SRMS: variants seen among roughly 807,000 people sequenced by gnomAD.
SRMS encodes the protein src-related kinase lacking C-terminal regulatory tyrosine and N-terminal myristylation sites.
SRMS carries 42 observed loss-of-function variants against 43.5 expected under a neutral mutation model. That is an observed-to-expected ratio of 0.97 (90% CI 0.75 to 1.25). The LOEUF (loss-of-function observed/expected upper bound fraction) is 1.25. Among genes scored for constraint, SRMS ranks in the 50% most tolerant of loss-of-function variants. SRMS has a pLI of 0.00. For synonymous variants in SRMS, 316 were observed against 308.2 expected, an observed-to-expected ratio of 1.03 and a Z score of -0.27; for missense variants, 703 against 681.0, an observed-to-expected ratio of 1.03 and a Z score of -0.36.
chr20:63,540,271 C>A lies in SRMS; in HGVS notation c.*547G>T, dbSNP rs117711618. Reference sequence around the variant, plus strand: ...TACCACACATCCAGTGGGGTCAACACCACGGTCTGCCTGGGAGTCAGCACT... The same window carrying A: ...TACCACACATCCAGTGGGGTCAACAACACGGTCTGCCTGGGAGTCAGCACT... On this transcript the variant is annotated 3_prime_UTR_variant, in exon 8 of 8. Coordinates refer to ENST00000217188, the MANE Select transcript of SRMS (RefSeq NM_080823.4). Among the ~76,000 whole-genome samples the A allele has an allele frequency of 0.011, 1,657 of 152,348 alleles. 10 individuals carry two copies. Among genetic ancestry groups the A allele is most frequent in the Non-Finnish European group, 0.017 (1,160 of 68,030 alleles).
chr20:63,546,550 T>C (rs1196445164), intron 1 of SRMS, among the ~76,000 whole-genome samples: 15 of 138,244 alleles, frequency 1.1e-4, no homozygotes, highest in African/African-American at 3.9e-4. Context: ...CTCACCTGCC[T>C]TCACCCAGAG....
rs754392446 is a variant in SRMS at position 63,540,819 on chromosome 20, CAG to C, written c.1464_1465del (p.Ter489SerfsTer60). The C allele has an allele frequency of 2.9e-5, 46 of 1,598,070 alleles. No homozygotes were observed. Among genetic ancestry groups the C allele is most frequent in the South Asian group, 1.2e-4 (11 of 90,688 alleles). ...CAGAGCGTTGGGTCACGTGAGGACT[CAG>C]GGGTGGCATCTGTGGATGGCGTGCA... On this transcript the variant is annotated frameshift_variant and stop_lost, in exon 8 of 8. Coordinates refer to ENST00000217188, the MANE Select transcript of SRMS (RefSeq NM_080823.4). LOFTEE classifies it high-confidence loss of function.
intron 1 of SRMS, 122 bp downstream of exon 1, chr20:63,546,986 G>T (rs2082735303): frequency 2.1e-6 from 2 of 942,646 alleles, no homozygotes; most frequent in Non-Finnish European, 3.1e-6. Context: ...TGAATGCGTG[G>T]ATGAACGAAT....
At position 63,544,210 on chromosome 20, in the gene SRMS, G is replaced by T; in HGVS notation, c.478+17C>A. 1 of 1,435,020 alleles carries T rather than the reference G, an allele frequency of 7.0e-7. No homozygotes were observed. 88.9% of individuals were successfully genotyped at this position (1,435,020 alleles called of 1,614,324 possible). On this transcript the variant is annotated intron_variant, in intron 2 of 7. Transcript: ENST00000217188. Reference sequence around the variant, plus strand: ...GACCTGGTGGGGGACAGAGGCAGGAGGGGCCGCCCCAGGTACCTGACAGTG... The same window carrying T: ...GACCTGGTGGGGGACAGAGGCAGGATGGGCCGCCCCAGGTACCTGACAGTG...
In SRMS at chr20:63,543,712, G is replaced by C. The variant is rs539338363; in HGVS notation, c.479-232C>G. The C allele has an allele frequency of 2.6e-4, 140 of 534,222 alleles. 1 individual carries two copies. The highest frequency in any genetic ancestry group is 2.3e-3 in the African/African-American group (121 of 52,864). 33.1% of individuals were successfully genotyped at this position (534,222 alleles called of 1,614,324 possible). A position where few individuals can be genotyped will look rare whatever the true frequency, so the allele number is the denominator to read the frequency against. ...TCTGCTGACGGTGTGCACAGAGTAGGCACTTAATAAATACTTGTAGAATGA... is the reference window on the plus strand; with the variant it reads ...TCTGCTGACGGTGTGCACAGAGTAGCCACTTAATAAATACTTGTAGAATGA... On this transcript the variant is annotated intron_variant, in intron 2 of 7. Transcript: ENST00000217188.
rs754727824 is a variant in SRMS, at chr20:63,538,978, C to A, written c.*1840G>T. 6.6e-6 allele frequency among the ~76,000 whole-genome samples: 1 copy of A among 152,154 alleles called. No homozygotes were observed. Among genetic ancestry groups the A allele is most frequent in the South Asian group, 2.1e-4 (1 of 4,828 alleles). ...TAGGAGGGCACAGGTGCCACAGACA[C>A]ACCTGGTCCCCTTAATCCCAGTGGC... On this transcript the variant is annotated 3_prime_UTR_variant, in exon 8 of 8. Coordinates refer to ENST00000217188, the MANE Select transcript of SRMS (RefSeq NM_080823.4).
chr20:63,544,458 G>A, intron 1 of SRMS, 110 bp from the exon 2 acceptor site: 1 of 1,323,398 alleles, frequency 7.6e-7, no homozygotes, highest in Non-Finnish European at 9.7e-7. Flanking sequence ...ACCGCCTCAG[G>A]GAGAAGGTCC....
At chr20:63,543,605 A>T in intron 2 of SRMS, 125 bp from the exon 3 acceptor site, 1 of 1,202,418 alleles carries the variant, frequency 8.3e-7, no homozygotes, top group South Asian at 1.5e-5. Flanking sequence ...GGACCCTGAG[A>T]TGGTCAGAGC....
chr20:63,544,240 G>T lies in SRMS; in HGVS notation c.465C>A (p.Gly155=). The change falls in exon 2 of 8, where the codon GGC becomes GGA. Residue 155 remains glycine (G), a synonymous_variant. Coordinates refer to ENST00000217188, the MANE Select transcript of SRMS (RefSeq NM_080823.4). ...CGCCCCAGGTACCTGACAGTGAGTA[G>T]CCCCCGAGGCTGCTCTCGCTGGGCC... The part of the protein sequence containing the change: ...LIRPSESSLG[G]YSLSVRAQAK... 2.1e-6 allele frequency: 3 copies of T among 1,461,504 alleles called. No homozygotes were observed. The highest frequency in any genetic ancestry group is 2.7e-6 in the Non-Finnish European group (3 of 1,106,350). 90.5% of individuals were successfully genotyped at this position (1,461,504 alleles called of 1,614,324 possible).
intron 7 of SRMS, 24 bp downstream of exon 7, chr20:63,541,166 TC>T (rs1184722980): frequency 6.5e-7 from 1 of 1,546,468 alleles, no homozygotes; most frequent in Non-Finnish European, 8.7e-7. Flanking sequence ...GCCTGCATCC[TC>T]CCTCTGGCTG....
At chr20:63,542,731 G>A in intron 3 of SRMS, 150 bp from the exon 4 acceptor site, 1 of 1,069,386 alleles carries the variant, frequency 9.4e-7, no homozygotes, top group Non-Finnish European at 1.3e-6. Context: ...GTGGGTGCCA[G>A]GCTTGGAGGC....
At chr20:63,542,646 C>T (rs1291232345) in intron 3 of SRMS, 65 bp from the exon 4 acceptor site, 12 of 1,515,394 alleles carry the variant, frequency 7.9e-6, no homozygotes, top group Non-Finnish European at 1.1e-5. Context: ...CAGGCACAGC[C>T]CCCCACACCA....
chr20:63,540,729 C>T lies in SRMS; in HGVS notation c.*89G>A, dbSNP rs538406636. ...GGCCCACAGCCAGAGGCTCCTCGGT[C>T]CGGCAGACCGGCATCCCTTCGAGTT... is the stretch of plus-strand genomic sequence containing the variant. On this transcript the variant is annotated 3_prime_UTR_variant, in exon 8 of 8. Transcript: ENST00000217188. The T allele has an allele frequency of 1.4e-5, 21 of 1,474,050 alleles. 1 individual carries two copies. The South Asian group carries it at 2.3e-4, about 16-fold the overall frequency. 91.3% of individuals were successfully genotyped at this position (1,474,050 alleles called of 1,614,324 possible).
chr20:63,542,317 G>A lies in SRMS; in HGVS notation c.792C>T (p.Asn264=). Reference sequence around the variant, plus strand: ...CCTTGGCGAGGTCAGTGAGCTTCATGTTGGCTGCGAGAGAGGGTGTGGCTC... The same window carrying A: ...CCTTGGCGAGGTCAGTGAGCTTCATATTGGCTGCGAGAGAGGGTGTGGCTC... ...PVAIKVIKSA[N]MKLTDLAKEI... The change falls in exon 5 of 8, where the codon AAC becomes AAT. Residue 264 remains asparagine (N), a synonymous_variant. Transcript: ENST00000217188. 1.2e-6 allele frequency: 2 copies of A among 1,608,556 alleles called. No homozygotes were observed. The highest frequency in any genetic ancestry group is 2.2e-5 in the East Asian group (1 of 44,702).
At chr20:63,543,966 GATGA>G (rs1043829764) in intron 2 of SRMS, among the ~76,000 whole-genome samples, 46 of 138,832 alleles carry the variant, frequency 3.3e-4, no homozygotes, top group South Asian at 2.0e-3. Flanking sequence ...GAGATGAATG[GATGA>G]ATGAATGAAT....
In SRMS at chr20:63,540,019, G is replaced by A. The variant is rs3761128; in HGVS notation, c.*799C>T. Among the ~76,000 whole-genome samples the A allele has an allele frequency of 1.2e-3, 187 of 152,290 alleles. 4 individuals carry two copies. In the East Asian group the frequency reaches 0.032, roughly 26 times the overall value. On this transcript the variant is annotated 3_prime_UTR_variant, in exon 8 of 8. Transcript: ENST00000217188. ...CCATGATGTCCTGGGCTGGGGGTCC[G>A]GGCGGCATGGGGGCCGCTCCAACCT...
rs148899880 is a variant in SRMS, at chr20:63,542,228, C to T, written c.881G>A (p.Gly294Asp). 8.1e-6 allele frequency: 13 copies of T among 1,612,724 alleles called. No homozygotes were observed. The highest frequency in any genetic ancestry group is 1.1e-5 in the Non-Finnish European group (13 of 1,179,764). ...RLIRLHAVCS[G>D]GEPVYIVTEL... ...CGTGACGATGTACACAGGCTCCCCG[C>T]CCGAGCACACTGCGTGCAGCCGGAT... is the stretch of plus-strand genomic sequence containing the variant. The change falls in exon 5 of 8, where the codon GGC becomes GAC. Residue 294 changes from glycine to aspartate, a missense_variant. Transcript: ENST00000217188.
chr20:63,547,259 C>A lies in SRMS; in HGVS notation c.205G>T (p.Glu69Ter), dbSNP rs2082737955. The A allele has an allele frequency of 7.5e-6, 12 of 1,610,534 alleles. No individual in the cohort carries two copies. The East Asian group carries it at 2.7e-4, about 36-fold the overall frequency. ...LYDFTARCGGELSVRRGDRLC... is the reference protein window; with the variant it reads ...LYDFTARCGG ...CTGTCCCCGCGGCGGACACTCAGCT[C>A]CCCGCCACACCGCGCCGTGAAGTCA... Residue 69 changes from glutamate (E) to a stop codon, truncating the protein, a stop_gained, in exon 1 of 8, where the codon GAG becomes TAG. Coordinates refer to ENST00000217188, the MANE Select transcript of SRMS (RefSeq NM_080823.4). LOFTEE classifies it high-confidence loss of function.
rs776909127 is a variant in SRMS, at chr20:63,540,998, C to T, written c.1287G>A (p.Gly429=). 5.6e-6 allele frequency: 9 copies of T among 1,608,874 alleles called. No individual in the cohort carries two copies. In the South Asian group the frequency reaches 6.6e-5, roughly 12 times the overall value. Residue 429 remains glycine (G), a splice_region_variant and synonymous_variant, in exon 8 of 8, where the codon GGG becomes GGA. Transcript: ENST00000217188. ...GCTGCAGCGTCTCGTGGTTGGTCAT[C>T]CCTGGGAGGCGCGGGGCAAGAGCTG... The part of the protein sequence containing the change: ...VFTYGQCPYE[G]MTNHETLQQI...
Sources: gnomAD v4.1 joint callset for allele counts (sites outside exome capture counted in the v4.1 genomes callset) on GRCh38, gnomAD v4.1.1 for gene constraint, MANE v1.5 for transcripts, NCBI Gene and HGNC (gene_info 2026-07-23, HGNC 2026-07-21) for gene names.